Variants in CACFD1 observed in about 807,000 individuals in gnomAD.
The protein encoded by CACFD1 is calcium channel flower domain containing 1, also known as calcium channel flower homolog.
Under a neutral mutation model 21.3 loss-of-function variants are expected in CACFD1, and 26 were observed. The ratio of observed to expected loss-of-function variants is 1.22; its 90% CI spans 0.89 to 1.69. The LOEUF is 1.69. Ranked by LOEUF, CACFD1 falls within the 40% of genes most tolerant of loss-of-function variation. The pLI is 0.00. For synonymous variants in CACFD1, 121 were observed against 106.6 expected (o/e 1.13, Z -0.83); for missense variants, 265 against 236.2 (o/e 1.12, Z -0.80).
chr9:133,460,090 CG>C lies in CACFD1; in HGVS notation c.28del (p.Ala10ArgfsTer14). 2 of 1,562,366 alleles carry C rather than the reference CG, an allele frequency of 1.3e-6. No individual in the cohort carries two copies. The highest frequency in any genetic ancestry group is 8.7e-7 in the Non-Finnish European group (1 of 1,153,460). MSSSGGAPGASASSAPPAQ... is the reference protein window; with the variant it reads MSSSGGAPXASASSAPPAQ... ...CCATGAGCAGCTCAGGTGGGGCGCC[CG>C]GGGCGTCCGCCAGCTCTGCGCCGCC... On this transcript the variant is annotated frameshift_variant, in exon 1 of 5. Transcript: ENST00000316948. LOFTEE classifies it high-confidence loss of function.
intron 1 of CACFD1, among the ~76,000 whole-genome samples, chr9:133,462,428 C>T (rs28502216): frequency 1.3e-4 from 20 of 152,324 alleles, no homozygotes; most frequent in Non-Finnish European, 2.4e-4. Context: ...CATTGCAGTT[C>T]GGCTCACTTT....
In CACFD1 at chr9:133,470,742, T is replaced by G. The variant is rs373192527; in HGVS notation, c.*2089T>G. On this transcript the variant is annotated 3_prime_UTR_variant, in exon 5 of 5. Transcript: ENST00000316948. ...TGTGTTCTGTGTGCGTCTTAAGCAA[T>G]AAAGCGTGGCCGTGGCTCGCGTGCC... is the stretch of plus-strand genomic sequence containing the variant. The G allele has an allele frequency of 2.0e-5, 3 of 152,648 alleles. No individual in the cohort carries two copies. Among genetic ancestry groups the G allele is most frequent in the South Asian group, 2.1e-4 (1 of 4,834 alleles). 9.5% of individuals were successfully genotyped at this position (152,648 alleles called of 1,614,324 possible).
chr9:133,464,597 G>A (rs1218100584), intron 2 of CACFD1, among the ~76,000 whole-genome samples: 1 of 152,136 alleles, frequency 6.6e-6, no homozygotes, highest in Non-Finnish European at 1.5e-5. Flanking sequence ...TCCCAGGCCT[G>A]GGGACAGAAG....
At chr9:133,464,544 G>A (rs1191759029) in intron 2 of CACFD1, among the ~76,000 whole-genome samples, 1 of 152,100 alleles carries the variant, frequency 6.6e-6, no homozygotes, top group Non-Finnish European at 1.5e-5. Context: ...TAGGTGTCCT[G>A]AGCCTGCATT....
intron 1 of CACFD1, among the ~76,000 whole-genome samples, chr9:133,460,471 C>CGGCGGGGGCGGGGGTGGGGCGGCGGG (rs1843129529): frequency 2.4e-5 from 3 of 125,890 alleles, no homozygotes; most frequent in South Asian, 2.6e-4. Flanking sequence ...GGCGGGGGGG[C>CGGCGGGGGCGGGGGTGGGGCGGCGGG]GGCGGGGGCG....
Position 133,470,411 on chromosome 9 carries a change from G to A in CACFD1, c.*1758G>A. On this transcript the variant is annotated 3_prime_UTR_variant, in exon 5 of 5. Coordinates refer to ENST00000316948, the MANE Select transcript of CACFD1 (RefSeq NM_017586.5). ...CAGAGGGGTCTCACTGACAGCCAGAGACAGCAGGAGAAGGGTTGGCTGTGG... is the reference window on the plus strand; with the variant it reads ...CAGAGGGGTCTCACTGACAGCCAGAAACAGCAGGAGAAGGGTTGGCTGTGG... 1 of 152,508 alleles carries A rather than the reference G, an allele frequency of 6.6e-6. No homozygotes were observed. The highest frequency in any genetic ancestry group is 1.5e-5 in the Non-Finnish European group (1 of 68,212). 9.4% of individuals were successfully genotyped at this position (152,508 alleles called of 1,614,324 possible).
At position 133,463,537 on chromosome 9, in the gene CACFD1, C is replaced by A. The variant is rs200937598; in HGVS notation, c.176C>A (p.Ala59Glu). Residue 59 changes from alanine to glutamate, a missense_variant, in exon 2 of 5, where the codon GCG (alanine) becomes GAG (glutamate). Transcript: ENST00000316948. ...ATCACCATCCACCCTCTGAACATTG[C>A]GGCCGGCGTGTGGATGATGTGAGTA... ...NCITIHPLNI[A>E]AGVWMIMNAF... 136 of 1,613,960 alleles carry A rather than the reference C, an allele frequency of 8.4e-5. No homozygotes were observed. Among genetic ancestry groups the A allele is most frequent in the Non-Finnish European group, 1.0e-4 (122 of 1,180,008 alleles).
chr9:133,468,221 C>G, intron 4 of CACFD1, 193 bp downstream of exon 4: 5 of 1,281,860 alleles, frequency 3.9e-6, no homozygotes, highest in Non-Finnish European at 3.2e-6. Flanking sequence ...TTCTGCGTGG[C>G]CCAGTCTTGC....
At chr9:133,467,315 G>C (rs4962154) in intron 3 of CACFD1, among the ~76,000 whole-genome samples, 38,951 of 152,186 alleles carry the variant, frequency 0.26, 6,125 homozygotes, top group South Asian at 0.36. Flanking sequence ...CTGCCACCAG[G>C]TGACGCCAAA....
At chr9:133,466,243 G>T (rs1044251656) in intron 3 of CACFD1, among the ~76,000 whole-genome samples, 1 of 152,126 alleles carries the variant, frequency 6.6e-6, no homozygotes, top group Non-Finnish European at 1.5e-5. Context: ...GTCCTTAGGG[G>T]TTCAAAAAAC....
chr9:133,463,662 G>A, intron 2 of CACFD1, 107 bp downstream of exon 2: 1 of 1,174,286 alleles, frequency 8.5e-7, no homozygotes, highest in Non-Finnish European at 1.3e-6. Flanking sequence ...GGGCATCCTT[G>A]TGGTTGCCAT....
Position 133,468,696 on chromosome 9 carries a change from G to T in CACFD1, c.*43G>T. 6.5e-7 allele frequency: 1 copy of T among 1,532,894 alleles called. No individual in the cohort carries two copies. The allele number at this position is 1,532,894 out of a possible 1,614,324, so 95.0% of individuals were successfully genotyped here. A position where few individuals can be genotyped will look rare whatever the true frequency, so the allele number is the denominator to read the frequency against. On this transcript the variant is annotated 3_prime_UTR_variant, in exon 5 of 5. Transcript: ENST00000316948. ...CCTCCCTGTCCCCTCTTCTGGCTCT[G>T]TGTGGGTCCAAGTGAGGCCTGGACT...
intron 1 of CACFD1, 52 bp from the exon 2 acceptor site, chr9:133,463,431 G>T (rs914200839): frequency 1.2e-6 from 2 of 1,612,658 alleles, no homozygotes; most frequent in Admixed American, 3.3e-5. Flanking sequence ...CGCCTTCCCA[G>T]CGGGCTCCGC....
chr9:133,467,359 C>T (rs587638719), intron 3 of CACFD1, among the ~76,000 whole-genome samples: 16 of 152,336 alleles, frequency 1.1e-4, no homozygotes, highest in African/African-American at 3.1e-4. Context: ...CCGCAGACCC[C>T]GCAGCCTGCA....
chr9:133,460,165 G>C lies in CACFD1; in HGVS notation c.99G>C (p.Leu33=), dbSNP rs1843075472. 2 of 1,556,844 alleles carry C rather than the reference G, an allele frequency of 1.3e-6. No homozygotes were observed. Among genetic ancestry groups the C allele is most frequent in the South Asian group, 1.2e-5 (1 of 84,986 alleles). ...GGTGGTACCGCTGGCTGTGTCGCCT[G>C]TCTGGGGTGCTGGGGGCAGTCTGTG... is the stretch of plus-strand genomic sequence containing the variant. ...MTWWYRWLCR[L]SGVLGAVSCA... Residue 33 remains leucine (L), a synonymous_variant, in exon 1 of 5, where the codon CTG becomes CTC. Coordinates refer to ENST00000316948, the MANE Select transcript of CACFD1 (RefSeq NM_017586.5).
intron 1 of CACFD1, among the ~76,000 whole-genome samples, chr9:133,460,459 A>AGGGCGGGGGGGCGGCGGGGGCGG (rs1318403735): frequency 2.9e-5 from 2 of 69,812 alleles, no homozygotes; most frequent in Admixed American, 1.4e-4. Context: ...CAGAAACCCC[A>AGGGCGGGGGGGCGGCGGGGGCGG]GGGCGGGGGG....
At chr9:133,466,799 G>T (rs1843455623) in intron 3 of CACFD1, among the ~76,000 whole-genome samples, 1 of 151,856 alleles carries the variant, frequency 6.6e-6, no homozygotes, top group Non-Finnish European at 1.5e-5. Flanking sequence ...TATCTAAGAG[G>T]GAAAAATATT....
chr9:133,466,533 T>C (rs902115854), intron 3 of CACFD1, among the ~76,000 whole-genome samples: 2 of 152,194 alleles, frequency 1.3e-5, no homozygotes, highest in South Asian at 2.1e-4. Context: ...GGATGTATCA[T>C]GCTGTTCTTA....
At position 133,468,583 on chromosome 9, in the gene CACFD1, C is replaced by T; in HGVS notation, c.449C>T (p.Ala150Val). ...LGKKGDAISY[A>V]RIQQQRQQAD... The stretch of plus-strand genomic sequence containing the variant: ...CCCAGGGGCGATGCGATCTCCTATG[C>T]CAGGATCCAGCAGCAGAGGCAGCAG... The change falls in exon 5 of 5, where the codon GCC becomes GTC. Residue 150 changes from alanine to valine, a missense_variant. Coordinates refer to ENST00000316948, the MANE Select transcript of CACFD1 (RefSeq NM_017586.5). 6.3e-7 allele frequency: 1 copy of T among 1,587,804 alleles called. No homozygotes were observed.
Sources: allele counts gnomAD v4.1 joint callset (sites outside exome capture counted in the v4.1 genomes callset), GRCh38; gene constraint gnomAD v4.1.1; transcripts MANE v1.5; gene names NCBI Gene and HGNC (gene_info 2026-07-23, HGNC 2026-07-21).